CNTNAP2: variants seen among roughly 807,000 people sequenced by gnomAD.
The protein encoded by CNTNAP2 is contactin associated protein 2, also known as contactin-associated protein-like 2.
In CNTNAP2, 98 loss-of-function variants were observed where a neutral mutation model predicts 155.2. The observed-to-expected ratio is 0.63, with a 90% CI of 0.54 to 0.75. The LOEUF (loss-of-function observed/expected upper bound fraction) is 0.75. Ranked by LOEUF, CNTNAP2 falls within the 30% of genes least tolerant of loss-of-function variation. The probability of loss-of-function intolerance (pLI) is 0.00; values close to 1 mark genes in which losing one functional copy is unlikely to be tolerated. For missense variants in CNTNAP2, 1,727 were observed against 1,688.1 expected, an observed-to-expected ratio of 1.02 and a Z score of -0.40; for synonymous variants, 651 against 631.2, an observed-to-expected ratio of 1.03 and a Z score of -0.47.
intron 14 of CNTNAP2, among the ~76,000 whole-genome samples, chr7:147,915,361 A>G (rs766308064): frequency 3.9e-4 from 60 of 152,214 alleles, no homozygotes; most frequent in Admixed American, 2.0e-4. Context: ...TGTGGAACTC[A>G]TGTTTGTGCT....
intron 21 of CNTNAP2, among the ~76,000 whole-genome samples, chr7:148,314,855 G>A (rs1254331541): frequency 6.6e-6 from 1 of 152,214 alleles, no homozygotes; most frequent in Non-Finnish European, 1.5e-5. Flanking sequence ...AACACCAAGG[G>A]AAGACTGTCT....
chr7:147,607,875 A>T (rs1035412768), intron 12 of CNTNAP2, among the ~76,000 whole-genome samples: 11 of 152,338 alleles, frequency 7.2e-5, no homozygotes, highest in African/African-American at 9.6e-5. Context: ...AGAATTTTTT[A>T]AAATATTGCA....
intron 10 of CNTNAP2, among the ~76,000 whole-genome samples, chr7:147,479,282 T>A (rs4726874): frequency 0.77 from 116,783 of 151,488 alleles, 45,272 homozygotes; most frequent in African/African-American, 0.85. Context: ...CTGTACCAGT[T>A]TTTCTAATAT....
At chr7:146,293,919 G>A (rs9655689) in intron 1 of CNTNAP2, among the ~76,000 whole-genome samples, 2,048 of 152,100 alleles carry the variant, frequency 0.013, 47 homozygotes, top group African/African-American at 0.047. Flanking sequence ...TAAAAAAGTG[G>A]AGTTGGAGGG....
chr7:147,504,384 A>G (rs1798869811), intron 11 of CNTNAP2, among the ~76,000 whole-genome samples: 1 of 152,130 alleles, frequency 6.6e-6, no homozygotes, highest in Admixed American at 6.5e-5. Flanking sequence ...TGGAGACAGT[A>G]TATAATCATT....
intron 1 of CNTNAP2, among the ~76,000 whole-genome samples, chr7:146,705,609 G>A (rs1241725043): frequency 7.7e-6 from 1 of 130,592 alleles, no homozygotes; most frequent in Non-Finnish European, 1.5e-5. Context: ...GAGGCTTAAT[G>A]GACTCACAGT....
intron 1 of CNTNAP2, among the ~76,000 whole-genome samples, chr7:146,425,307 G>T (rs1389590882): frequency 1.3e-5 from 2 of 152,116 alleles, no homozygotes; most frequent in Admixed American, 1.3e-4. Flanking sequence ...TTTGTTAGGA[G>T]AAGAAAAGTC....
intron 3 of CNTNAP2, among the ~76,000 whole-genome samples, chr7:146,983,539 C>T (rs1314604153): frequency 6.6e-6 from 1 of 152,114 alleles, no homozygotes; most frequent in Non-Finnish European, 1.5e-5. Flanking sequence ...ACACAACTAC[C>T]CTACAAACGC....
chr7:146,162,578 C>T (rs1384506644), intron 1 of CNTNAP2, among the ~76,000 whole-genome samples: 1 of 152,152 alleles, frequency 6.6e-6, no homozygotes, highest in East Asian at 1.9e-4. Context: ...ACTAGTTCAA[C>T]CATTGTGGAA....
At chr7:148,181,627 A>C (rs914141378) in intron 18 of CNTNAP2, among the ~76,000 whole-genome samples, 2 of 152,048 alleles carry the variant, frequency 1.3e-5, no homozygotes, top group Non-Finnish European at 2.9e-5. Flanking sequence ...AGATTTAAAA[A>C]TTCAGTGCAG....
intron 8 of CNTNAP2, among the ~76,000 whole-genome samples, chr7:147,155,842 C>T (rs1158920345): frequency 3.3e-5 from 5 of 152,006 alleles, no homozygotes; most frequent in Admixed American, 6.6e-5. Context: ...TGCTAATACC[C>T]TAAGAAATTG....
At chr7:146,353,727 A>G (rs534129705) in intron 1 of CNTNAP2, among the ~76,000 whole-genome samples, 10 of 152,182 alleles carry the variant, frequency 6.6e-5, no homozygotes, top group African/African-American at 2.4e-4. Flanking sequence ...TACACCTGAC[A>G]AAGGTAGTAG....
intron 13 of CNTNAP2, among the ~76,000 whole-genome samples, chr7:147,885,222 G>T (rs1226245354): frequency 6.6e-6 from 1 of 152,086 alleles, no homozygotes; most frequent in Non-Finnish European, 1.5e-5. Flanking sequence ...AAAAGAAGAG[G>T]CCAGGTCAGA....
chr7:147,588,780 C>A (rs1041369858), intron 12 of CNTNAP2, among the ~76,000 whole-genome samples: 14 of 152,154 alleles, frequency 9.2e-5, no homozygotes, highest in Non-Finnish European at 1.8e-4. Context: ...ATTCACACAA[C>A]CTCACAACAA....
At chr7:147,729,096 G>A (rs1563067655) in intron 13 of CNTNAP2, among the ~76,000 whole-genome samples, 1 of 151,048 alleles carries the variant, frequency 6.6e-6, no homozygotes, top group Non-Finnish European at 1.5e-5. Context: ...TACCATATCT[G>A]GCTTATTTTG....
intron 21 of CNTNAP2, among the ~76,000 whole-genome samples, chr7:148,295,433 T>A (rs1207384928): frequency 3.9e-5 from 6 of 152,140 alleles, no homozygotes; most frequent in Non-Finnish European, 8.8e-5. Flanking sequence ...CATTTTTGAC[T>A]ACTAATATGG....
chr7:146,578,420 C>T (rs1798558465), intron 1 of CNTNAP2, among the ~76,000 whole-genome samples: 1 of 152,100 alleles, frequency 6.6e-6, no homozygotes, highest in Non-Finnish European at 1.5e-5. Flanking sequence ...GTTGTTCATC[C>T]TCAGCTCCAG....
intron 3 of CNTNAP2, among the ~76,000 whole-genome samples, chr7:147,033,162 A>ATG (rs1554427646): frequency 1.8e-3 from 19 of 10,836 alleles, no homozygotes; most frequent in African/African-American, 8.9e-3. Flanking sequence ...ATATATATGT[A>ATG]TATATATATA....
At chr7:147,680,834 T>G (rs1476812318) in intron 13 of CNTNAP2, among the ~76,000 whole-genome samples, 2 of 151,312 alleles carry the variant, frequency 1.3e-5, no homozygotes, top group African/African-American at 4.8e-5. Flanking sequence ...TAGCATAAAC[T>G]AATACCTACA....
Sources: gnomAD v4.1 joint callset for allele counts (sites outside exome capture counted in the v4.1 genomes callset) on GRCh38, gnomAD v4.1.1 for gene constraint, MANE v1.5 for transcripts, NCBI Gene and HGNC (gene_info 2026-07-23, HGNC 2026-07-21) for gene names.